DLG2: variants seen among roughly 807,000 people sequenced by gnomAD.
The protein encoded by DLG2 is discs large MAGUK scaffold protein 2.
Under a neutral mutation model 132.5 loss-of-function variants are expected in DLG2, and 45 were observed. The ratio of observed to expected loss-of-function variants is 0.34; its 90% CI spans 0.27 to 0.44. DLG2 has a LOEUF of 0.44. DLG2 is among the 20% of genes least tolerant of loss of function. The pLI is 1.00. For missense variants in DLG2, 1,045 were observed against 1,196.9 expected (o/e 0.87, Z 1.87); for synonymous variants, 424 against 419.6 (o/e 1.01, Z -0.13).
chr11:84,907,748 A>G (rs2091673805), intron 6 of DLG2, among the ~76,000 whole-genome samples: 1 of 152,170 alleles, frequency 6.6e-6, no homozygotes, highest in Non-Finnish European at 1.5e-5. Context: ...GTCTGCACCC[A>G]ATGACAGAGT....
chr11:85,381,970 A>G (rs1393559068), intron 3 of DLG2, among the ~76,000 whole-genome samples: 1 of 152,162 alleles, frequency 6.6e-6, no homozygotes, highest in Non-Finnish European at 1.5e-5. Flanking sequence ...GTCTATGGTC[A>G]TAACACCCTG....
intron 6 of DLG2, among the ~76,000 whole-genome samples, chr11:85,093,158 A>G (rs762950243): frequency 7.2e-5 from 11 of 152,200 alleles, no homozygotes; most frequent in Non-Finnish European, 1.3e-4. Context: ...AAGAACTTCT[A>G]TATCAGCAAG....
rs116982358 is a variant in DLG2 at position 84,574,208 on chromosome 11, C to T, written c.358-39477G>A. Among the ~76,000 whole-genome samples, 76 of 152,160 alleles carry T rather than the reference C, an allele frequency of 5.0e-4. 2 individuals are homozygous for T. The East Asian group carries it at 0.013, about 26-fold the overall frequency. ...ATTCACGAAAAGGCAGATATCATTCCCAAAACTGCTTTTCCTCAGCAAAGA... is the reference window on the plus strand; with the variant it reads ...ATTCACGAAAAGGCAGATATCATTCTCAAAACTGCTTTTCCTCAGCAAAGA... On this transcript the variant is annotated intron_variant, in intron 6 of 27. Coordinates refer to ENST00000376104, the MANE Select transcript of DLG2 (RefSeq NM_001142699.3).
At chr11:83,694,304 T>C (rs2081495966) in intron 18 of DLG2, among the ~76,000 whole-genome samples, 1 of 152,172 alleles carries the variant, frequency 6.6e-6, no homozygotes, top group Non-Finnish European at 1.5e-5. Context: ...AAGAACATCC[T>C]ACAGGGCTGC....
At chr11:84,485,178 C>G (rs147802777) in intron 7 of DLG2, among the ~76,000 whole-genome samples, 47 of 152,142 alleles carry the variant, frequency 3.1e-4, no homozygotes, top group Non-Finnish European at 5.1e-4. Flanking sequence ...GCTAAAAGAG[C>G]CTCCTGTATG....
chr11:85,035,652 C>T (rs1489844194), intron 6 of DLG2, among the ~76,000 whole-genome samples: 3 of 152,090 alleles, frequency 2.0e-5, no homozygotes, highest in Admixed American at 6.5e-5. Context: ...AGAGCCAAAT[C>T]GTATCAGATA....
intron 12 of DLG2, 104 bp downstream of exon 12, chr11:83,980,402 C>A: frequency 7.8e-7 from 1 of 1,284,800 alleles, no homozygotes; most frequent in Non-Finnish European, 1.0e-6. Context: ...AGCCACCCAC[C>A]CTGTGGTATT....
At chr11:84,468,713 A>T (rs12222229) in intron 7 of DLG2, among the ~76,000 whole-genome samples, 1 of 151,552 alleles carries the variant, frequency 6.6e-6, no homozygotes, top group East Asian at 2.0e-4. Context: ...TTACTTAGGT[A>T]AAAAAAATCA....
At chr11:85,187,578 G>A (rs764112942) in intron 4 of DLG2, among the ~76,000 whole-genome samples, 7 of 152,080 alleles carry the variant, frequency 4.6e-5, no homozygotes, top group Non-Finnish European at 1.0e-4. Context: ...GACCAAAAGT[G>A]TACAACAAAT....
chr11:85,172,665 A>G (rs2078958914), intron 4 of DLG2, among the ~76,000 whole-genome samples: 1 of 152,200 alleles, frequency 6.6e-6, no homozygotes, highest in Non-Finnish European at 1.5e-5. Context: ...AATAATGAAT[A>G]ACAAACTTTG....
chr11:84,170,739 T>C (rs2095801591), intron 8 of DLG2, among the ~76,000 whole-genome samples: 1 of 152,166 alleles, frequency 6.6e-6, no homozygotes, highest in Non-Finnish European at 1.5e-5. Flanking sequence ...CCTGAGTCTG[T>C]GATTTAACAT....
chr11:85,504,645 G>A (rs192674372), intron 3 of DLG2, among the ~76,000 whole-genome samples: 6 of 152,268 alleles, frequency 3.9e-5, no homozygotes, highest in Non-Finnish European at 5.9e-5. Flanking sequence ...GTCAGGTAGC[G>A]TGGTGCATCC....
At chr11:84,621,821 C>A (rs1267586669) in intron 6 of DLG2, among the ~76,000 whole-genome samples, 2 of 151,962 alleles carry the variant, frequency 1.3e-5, no homozygotes, top group East Asian at 3.9e-4. Context: ...CTGTAAGATG[C>A]TTGGGGGAAG....
Position 85,167,232 on chromosome 11 carries a change from G to C in DLG2, c.187-12581C>G, listed in dbSNP as rs528637133. Among the ~76,000 whole-genome samples, 285 of 152,244 alleles carry C rather than the reference G, an allele frequency of 1.9e-3. 1 individual carries two copies. The highest frequency in any genetic ancestry group is 6.7e-3 in the African/African-American group (277 of 41,556). On this transcript the variant is annotated intron_variant, in intron 4 of 27. Transcript: ENST00000376104. ...CTAAGAATGTCAAGTGTACAGATCA[G>C]CCTGAGTCAGATCCCAGTTGTACTC... is the stretch of plus-strand genomic sequence containing the variant.
chr11:84,771,130 C>G (rs11234168), intron 6 of DLG2, among the ~76,000 whole-genome samples: 40,137 of 151,986 alleles, frequency 0.26, 5,799 homozygotes, highest in Admixed American at 0.31. Context: ...TTTGGGTATA[C>G]ACTCAGTCGT....
chr11:83,888,644 C>G (rs938189748), intron 15 of DLG2, among the ~76,000 whole-genome samples: 13 of 152,152 alleles, frequency 8.5e-5, no homozygotes, highest in African/African-American at 3.1e-4. Context: ...ATCACCAAGT[C>G]AATCCTAAGC....
At chr11:84,188,368 A>G (rs1214275197) in intron 8 of DLG2, among the ~76,000 whole-genome samples, 1 of 152,152 alleles carries the variant, frequency 6.6e-6, no homozygotes, top group Middle Eastern at 3.2e-3. Flanking sequence ...TCATGATTGC[A>G]TCTCCAGATG....
chr11:83,881,662 C>T (rs2066300709), intron 15 of DLG2, among the ~76,000 whole-genome samples: 1 of 152,150 alleles, frequency 6.6e-6, no homozygotes, highest in Non-Finnish European at 1.5e-5. Flanking sequence ...AATAGACTAA[C>T]CAATCTTCTC....
At chr11:85,458,488 A>T (rs1452592398) in intron 3 of DLG2, among the ~76,000 whole-genome samples, 1 of 152,172 alleles carries the variant, frequency 6.6e-6, no homozygotes, top group Non-Finnish European at 1.5e-5. Context: ...TAGTGAGGTC[A>T]TTTGGAGACA....
Sources: allele counts gnomAD v4.1 joint callset (sites outside exome capture counted in the v4.1 genomes callset), GRCh38; gene constraint gnomAD v4.1.1; transcripts MANE v1.5; gene names NCBI Gene and HGNC (gene_info 2026-07-23, HGNC 2026-07-21).